Variants in TBC1D9B observed in about 807,000 individuals in gnomAD.
TBC1D9B encodes TBC1 domain family, member 9B (with GRAM domain).
Under a neutral mutation model 121.1 loss-of-function variants are expected in TBC1D9B, and 87 were observed. The observed-to-expected ratio is 0.72, with a 90% CI of 0.60 to 0.86. TBC1D9B has a LOEUF of 0.86. Ranked by LOEUF, TBC1D9B falls within the 40% of genes least tolerant of loss-of-function variation. TBC1D9B has a pLI of 0.00. For missense variants in TBC1D9B, 1,540 were observed against 1,628.6 expected (o/e 0.95, Z 0.94); for synonymous variants, 668 against 670.1 (o/e 1.00, Z 0.05).
In TBC1D9B at chr5:179,862,222, G is replaced by T. The variant is rs192205; in HGVS notation, c.*1226C>A. The T allele has an allele frequency of 1.0e-5, 2 of 200,526 alleles. No individual in the cohort carries two copies. The highest frequency in any genetic ancestry group is 4.9e-5 in the Admixed American group (1 of 20,222). 12.4% of individuals were successfully genotyped at this position (200,526 alleles called of 1,614,324 possible). A position where few individuals can be genotyped will look rare whatever the true frequency, so the allele number is the denominator to read the frequency against. On this transcript the variant is annotated 3_prime_UTR_variant, in exon 21 of 21. Transcript: ENST00000355235. ...CTGTGGTTTTAGACATCCACTGGGG[G>T]TCTGGTTTTAGATATCCACTGTATC...
Position 179,869,753 on chromosome 5 carries a change from G to A in TBC1D9B, c.2791+16C>T. 5 of 1,611,766 alleles carry A rather than the reference G, an allele frequency of 3.1e-6. No individual in the cohort carries two copies. The highest frequency in any genetic ancestry group is 4.2e-6 in the Non-Finnish European group (5 of 1,178,810). On this transcript the variant is annotated intron_variant, in intron 17 of 20. Transcript: ENST00000355235. ...AGTGGGAGACCCTGGCTGGGGAGTG[G>A]GCAGGAGGCTCTCACCTGGGGGAAG...
rs1382417658 is a variant in TBC1D9B at position 179,863,869 on chromosome 5, G to A, written c.3281C>T (p.Ala1094Val). Residue 1094 changes from alanine to valine, a missense_variant, in exon 21 of 21, where the codon GCA becomes GTA. Ala to Val is a moderately conservative substitution (Grantham distance 64, BLOSUM62 0). Coordinates refer to ENST00000355235, the MANE Select transcript of TBC1D9B (RefSeq NM_015043.4). This position sits in a 1 kb window ranked among gnomAD's most constrained non-coding sequence, Gnocchi z 4.5. The part of the protein sequence containing the change: ...PPAAGDPQAK[A>V]GGDTHLGKAP... ...TTTTCCGAGGTGTGTGTCTCCGCCT[G>A]CTTTGGCTTGGGGGTCTCCTGCAGC... 1.9e-6 allele frequency: 3 copies of A among 1,613,062 alleles called. No individual in the cohort carries two copies. The highest frequency in any genetic ancestry group is 1.7e-5 in the Admixed American group (1 of 59,970).
At chr5:179,898,434 T>C (rs1292741507) in intron 3 of TBC1D9B, among the ~76,000 whole-genome samples, 4 of 151,784 alleles carry the variant, frequency 2.6e-5, no homozygotes, top group African/African-American at 9.7e-5. Flanking sequence ...ATTACAGGCC[T>C]GAGCCACCGC....
Position 179,904,482 on chromosome 5 carries a change from C to T in TBC1D9B, c.229+220G>A, listed in dbSNP as rs1406673232. Among the ~76,000 whole-genome samples, 1 of 152,162 alleles carries T rather than the reference C, an allele frequency of 6.6e-6. No homozygotes were observed. Among genetic ancestry groups the T allele is most frequent in the Non-Finnish European group, 1.5e-5 (1 of 68,040 alleles). On this transcript the variant is annotated intron_variant, in intron 2 of 20. Coordinates refer to ENST00000355235, the MANE Select transcript of TBC1D9B (RefSeq NM_015043.4). This position sits in a 1 kb window ranked among gnomAD's most constrained non-coding sequence, Gnocchi z 4.2. ...CCTCGTGATCAGCCCGCCTCGGCCTCCCAAAGTGCTGGGATTACAGACGTG... is the reference window on the plus strand; with the variant it reads ...CCTCGTGATCAGCCCGCCTCGGCCTTCCAAAGTGCTGGGATTACAGACGTG...
At position 179,907,638 on chromosome 5, in the gene TBC1D9B, C is replaced by CGCCGCCAGCCCCGCCGCCAGCCCA; in HGVS notation, c.118+42_118+65dup. The CGCCGCCAGCCCCGCCGCCAGCCCA allele has an allele frequency of 1.1e-6, 1 of 873,262 alleles. No individual in the cohort carries two copies. The highest frequency in any genetic ancestry group is 5.0e-5 in the South Asian group (1 of 19,896). The allele number at this position is 873,262 out of a possible 1,614,324, so 54.1% of individuals were successfully genotyped here. A position where few individuals can be genotyped will look rare whatever the true frequency, so the allele number is the denominator to read the frequency against. On this transcript the variant is annotated intron_variant, in intron 1 of 20. Transcript: ENST00000355235. The surrounding 1 kb of genome is among the most constrained non-coding windows in gnomAD (Gnocchi z 5.3). Reference sequence around the variant, plus strand: ...GCCGGAACCGGACCCGCCCGCCGCCCGCCGCCAGCCCCGCCGCCAGCCCAG... The same window carrying CGCCGCCAGCCCCGCCGCCAGCCCA: ...GCCGGAACCGGACCCGCCCGCCGCCCGCCGCCAGCCCCGCCGCCAGCCCAGCCGCCAGCCCCGCCGCCAGCCCAG...
In TBC1D9B at chr5:179,891,426, C is replaced by A; in HGVS notation, c.997G>T (p.Ala333Ser). The change falls in exon 6 of 21, where the codon GCC (alanine) becomes TCC (serine). Residue 333 changes from alanine to serine, a missense_variant. Coordinates refer to ENST00000355235, the MANE Select transcript of TBC1D9B (RefSeq NM_015043.4). The surrounding 1 kb of genome is among the most constrained non-coding windows in gnomAD (Gnocchi z 4.3). ...TGGCAAGCGTCCTCCTCCTTGCTGG[C>A]GAAGCAGATGTAGTTGTTGGAGATG... ...MFISNNYICF[A>S]SKEEDACHLI... 1.9e-6 allele frequency: 3 copies of A among 1,614,222 alleles called. No individual in the cohort carries two copies. Among genetic ancestry groups the A allele is most frequent in the Non-Finnish European group, 2.5e-6 (3 of 1,180,044 alleles).
chr5:179,867,718 A>G, intron 18 of TBC1D9B, 60 bp downstream of exon 18: 1 of 1,603,224 alleles, frequency 6.2e-7, no homozygotes. Flanking sequence ...GCCCCACAGG[A>G]AGGCGGCGGT....
At position 179,874,856 on chromosome 5, in the gene TBC1D9B, G is replaced by T; in HGVS notation, c.2186+46C>A. 6.3e-7 allele frequency: 1 copy of T among 1,594,040 alleles called. No homozygotes were observed. Among genetic ancestry groups the T allele is most frequent in the African/African-American group, 1.3e-5 (1 of 74,816 alleles). On this transcript the variant is annotated intron_variant, in intron 12 of 20. Transcript: ENST00000355235. This position sits in a 1 kb window ranked among gnomAD's most constrained non-coding sequence, Gnocchi z 4.3. ...TGGACAGTGCCCGGGGCTGGTGAGG[G>T]GTTCTGCTGTGAGCCCCCAGCAGGA...
At chr5:179,872,848 G>GCCCCCCCCCCCCCGCC in intron 14 of TBC1D9B, 44 bp downstream of exon 14, 1 of 1,457,256 alleles carries the variant, frequency 6.9e-7, no homozygotes, top group Non-Finnish European at 9.5e-7. Context: ...AGGCACTGCT[G>GCCCCCCCCCCCCCGCC]CCCCCCCAGC....
rs547078645 is a variant in TBC1D9B at position 179,894,625 on chromosome 5, G to A, written c.349-11C>T. The A allele has an allele frequency of 1.3e-5, 21 of 1,614,004 alleles. No homozygotes were observed. The African/African-American group carries it at 2.0e-4, about 15-fold the overall frequency. On this transcript the variant is annotated splice_polypyrimidine_tract_variant and intron_variant, in intron 3 of 20. Coordinates refer to ENST00000355235, the MANE Select transcript of TBC1D9B (RefSeq NM_015043.4). Reference sequence around the variant, plus strand: ...TTCTGCGATGATTCCCTGGAGGAAGGCAAGAGGACAAGGGCTTGCCCTGCA... The same window carrying A: ...TTCTGCGATGATTCCCTGGAGGAAGACAAGAGGACAAGGGCTTGCCCTGCA...
At chr5:179,872,686 C>G (rs954542242) in intron 14 of TBC1D9B, 1 of 581,182 alleles carries the variant, frequency 1.7e-6, no homozygotes, top group African/African-American at 1.9e-5. Context: ...GGTGACACAT[C>G]CACCAGCAGA....
rs528464579 is a variant in TBC1D9B at position 179,876,809 on chromosome 5, C to T, written c.1783-772G>A. Among the ~76,000 whole-genome samples the T allele has an allele frequency of 1.2e-3, 177 of 152,206 alleles. 1 individual carries two copies. Among genetic ancestry groups the T allele is most frequent in the African/African-American group, 4.0e-3 (168 of 41,512 alleles). ...ATAGGCCAGGCCACAGTAGCTCACA[C>T]TTTGTAATCCTAGCACTTTAGGAGG... On this transcript the variant is annotated intron_variant, in intron 10 of 20. Transcript: ENST00000355235.
At chr5:179,880,693 G>A (rs539421586) in intron 7 of TBC1D9B, among the ~76,000 whole-genome samples, 22 of 151,932 alleles carry the variant, frequency 1.4e-4, no homozygotes, top group African/African-American at 4.3e-4. Context: ...AGTGTATTGC[G>A]TATCAATTTT....
intron 7 of TBC1D9B, among the ~76,000 whole-genome samples, chr5:179,882,712 T>A (rs1433450494): frequency 6.6e-6 from 1 of 152,122 alleles, no homozygotes; most frequent in Non-Finnish European, 1.5e-5. Context: ...TAGCCAGGCA[T>A]GGTGGCACAT....
chr5:179,893,196 G>A lies in TBC1D9B; in HGVS notation c.836+13C>T. 4 of 1,593,104 alleles carry A rather than the reference G, an allele frequency of 2.5e-6. No individual in the cohort carries two copies. The highest frequency in any genetic ancestry group is 3.4e-6 in the Non-Finnish European group (4 of 1,168,624). On this transcript the variant is annotated intron_variant, in intron 5 of 20. Coordinates refer to ENST00000355235, the MANE Select transcript of TBC1D9B (RefSeq NM_015043.4). Reference sequence around the variant, plus strand: ...CTCACATGAGCCCACCCCAGCCCTGGAGGGCAACGCACCGCTTCAGGGCTG... The same window carrying A: ...CTCACATGAGCCCACCCCAGCCCTGAAGGGCAACGCACCGCTTCAGGGCTG...
chr5:179,892,626 T>C (rs190929959), intron 5 of TBC1D9B, among the ~76,000 whole-genome samples: 1 of 152,352 alleles, frequency 6.6e-6, no homozygotes, highest in Non-Finnish European at 1.5e-5. Context: ...GACCCACACA[T>C]GGCCCATCTC....
Position 179,907,591 on chromosome 5 carries a change from C to T in TBC1D9B, c.118+113G>A. 1 of 508,176 alleles carries T rather than the reference C, an allele frequency of 2.0e-6. No individual in the cohort carries two copies. Among genetic ancestry groups the T allele is most frequent in the Non-Finnish European group, 2.5e-6 (1 of 396,598 alleles). The allele number at this position is 508,176 out of a possible 1,614,324, so 31.5% of individuals were successfully genotyped here. A position where few individuals can be genotyped will look rare whatever the true frequency, so the allele number is the denominator to read the frequency against. On this transcript the variant is annotated intron_variant, in intron 1 of 20. Coordinates refer to ENST00000355235, the MANE Select transcript of TBC1D9B (RefSeq NM_015043.4). The surrounding 1 kb of genome is among the most constrained non-coding windows in gnomAD (Gnocchi z 5.3). ...CCCGCCGCGCGCTGGCGTGCGTGTC[C>T]GCCGCGACGCGCCGAGGCCGGGCCG... is the stretch of plus-strand genomic sequence containing the variant.
At chr5:179,867,276 C>CA in intron 18 of TBC1D9B, 1 of 726,924 alleles carries the variant, frequency 1.4e-6, no homozygotes, top group African/African-American at 1.8e-5. Flanking sequence ...CTACAGCAGA[C>CA]ACGGAGGCGG....
Position 179,904,734 on chromosome 5 carries a change from T to C in TBC1D9B, c.197A>G (p.Gln66Arg), listed in dbSNP as rs1324667077. The C allele has an allele frequency of 1.8e-5, 29 of 1,577,658 alleles. No homozygotes were observed. The highest frequency in any genetic ancestry group is 2.5e-5 in the Non-Finnish European group (29 of 1,161,918). Residue 66 changes from glutamine to arginine, a missense_variant, in exon 2 of 21, where the codon CAG (glutamine) becomes CGG (arginine). Physicochemically the swap from Gln to Arg is conservative, Grantham distance 43. Coordinates refer to ENST00000355235, the MANE Select transcript of TBC1D9B (RefSeq NM_015043.4). The surrounding 1 kb of genome is among the most constrained non-coding windows in gnomAD (Gnocchi z 4.2). ...VAPYRILHQT[Q>R]DSQVYWTVAC... ...CACTGTCCAGTAGACCTGGGAGTCC[T>C]GGGTCTGGTGCAGGATGCGGTAAGG...
Sources: allele counts gnomAD v4.1 joint callset (sites outside exome capture counted in the v4.1 genomes callset), GRCh38; gene constraint gnomAD v4.1.1; non-coding constraint Gnocchi (gnomAD v3.1); transcripts MANE v1.5; gene names NCBI Gene and HGNC (gene_info 2026-07-23, HGNC 2026-07-21).